THSD7A: variants seen among roughly 807,000 people sequenced by gnomAD.
The protein encoded by THSD7A is thrombospondin type-1 domain-containing protein 7A.
In THSD7A, 96 loss-of-function variants were observed where a neutral mutation model predicts 231.3. The observed-to-expected ratio is 0.41, with a 90% CI of 0.35 to 0.49. The LOEUF is 0.49. Ranked by LOEUF, THSD7A falls within the 20% of genes least tolerant of loss-of-function variation. The pLI, the probability that THSD7A is intolerant of heterozygous loss-of-function variation, is 0.05. For synonymous variants in THSD7A, 940 were observed against 743.3 expected (o/e 1.26, Z -4.30); for missense variants, 2,290 against 2,070.2 (o/e 1.11, Z -2.06).
intron 8 of THSD7A, among the ~76,000 whole-genome samples, chr7:11,473,732 CTGT>C (rs1786032025): frequency 1.3e-5 from 2 of 152,054 alleles, no homozygotes; most frequent in Non-Finnish European, 2.9e-5. Context: ...AGTGTTTGCC[CTGT>C]TATTATAGTA....
At chr7:11,562,746 A>G (rs568478616) in intron 4 of THSD7A, among the ~76,000 whole-genome samples, 1 of 152,282 alleles carries the variant, frequency 6.6e-6, no homozygotes, top group South Asian at 2.1e-4. Context: ...TTTTTTCAGT[A>G]AGTTAAAATA....
intron 1 of THSD7A, among the ~76,000 whole-genome samples, chr7:11,682,762 T>C (rs1191813102): frequency 6.6e-6 from 1 of 152,044 alleles, no homozygotes; most frequent in African/African-American, 2.4e-5. Flanking sequence ...CTTGATCTAA[T>C]AGACATCTAC....
chr7:11,469,565 G>A (rs537059490), intron 9 of THSD7A, among the ~76,000 whole-genome samples: 6 of 152,072 alleles, frequency 3.9e-5, no homozygotes, highest in Admixed American at 3.3e-4. Context: ...ATATCATTTT[G>A]AAATACATAT....
intron 9 of THSD7A, among the ~76,000 whole-genome samples, chr7:11,463,281 G>C (rs1785573538): frequency 6.6e-6 from 1 of 152,068 alleles, no homozygotes; most frequent in African/African-American, 2.4e-5. Flanking sequence ...ACACGGTCTG[G>C]GCAACTGACT....
At chr7:11,492,453 A>C (rs1161188339) in intron 6 of THSD7A, among the ~76,000 whole-genome samples, 2 of 152,082 alleles carry the variant, frequency 1.3e-5, no homozygotes, top group Non-Finnish European at 2.9e-5. Context: ...AATAGCTTAA[A>C]TATAACTATA....
intron 1 of THSD7A, among the ~76,000 whole-genome samples, chr7:11,770,960 T>A (rs1783206872): frequency 6.6e-6 from 1 of 151,626 alleles, no homozygotes; most frequent in Non-Finnish European, 1.5e-5. Flanking sequence ...AATAAATATA[T>A]AAAATTTTAA....
chr7:11,577,002 C>T (rs1790940403), intron 4 of THSD7A, among the ~76,000 whole-genome samples: 1 of 152,158 alleles, frequency 6.6e-6, no homozygotes. Context: ...AAAAACAAGG[C>T]ATTGAGTCCA....
intron 1 of THSD7A, among the ~76,000 whole-genome samples, chr7:11,679,102 T>G (rs1024468698): frequency 2.0e-5 from 3 of 152,128 alleles, no homozygotes; most frequent in Non-Finnish European, 2.9e-5. Flanking sequence ...AAAAACCACA[T>G]GATTATCTTA....
At chr7:11,807,152 G>A (rs763646393) in intron 1 of THSD7A, among the ~76,000 whole-genome samples, 2 of 152,080 alleles carry the variant, frequency 1.3e-5, no homozygotes, top group Admixed American at 6.6e-5. Flanking sequence ...AGGAAGTTGT[G>A]TAGAATCTGT....
At chr7:11,417,911 AAAG>A (rs1474363728) in intron 16 of THSD7A, among the ~76,000 whole-genome samples, 2 of 152,234 alleles carry the variant, frequency 1.3e-5, no homozygotes, top group African/African-American at 4.8e-5. Context: ...GCTTCCTCTG[AAAG>A]AAGAGGGTCA....
At chr7:11,475,987 G>A (rs6967452) in intron 7 of THSD7A, among the ~76,000 whole-genome samples, 18,875 of 139,976 alleles carry the variant, frequency 0.13, 1,423 homozygotes, top group Middle Eastern at 0.19. Context: ...TATCATGAGA[G>A]TTAACAAATT....
intron 6 of THSD7A, among the ~76,000 whole-genome samples, chr7:11,522,183 G>A (rs7782873): frequency 0.16 from 24,504 of 152,028 alleles, 2,326 homozygotes; most frequent in African/African-American, 0.26. Flanking sequence ...GAGGGCATTC[G>A]TAATAACATA....
At chr7:11,625,816 C>T (rs560502764) in intron 2 of THSD7A, among the ~76,000 whole-genome samples, 13 of 151,948 alleles carry the variant, frequency 8.6e-5, no homozygotes, top group Non-Finnish European at 1.2e-4. Flanking sequence ...TGAGTCAGAG[C>T]GAAACTCAAT....
At chr7:11,486,633 T>G (rs1027887371) in intron 6 of THSD7A, among the ~76,000 whole-genome samples, 3 of 152,214 alleles carry the variant, frequency 2.0e-5, no homozygotes, top group Admixed American at 6.5e-5. Flanking sequence ...TGAGGACAAT[T>G]TCTTAGCTAG....
Position 11,600,828 on chromosome 7 carries a change from T to C in THSD7A, c.1023-7326A>G, listed in dbSNP as rs1031209839. On this transcript the variant is annotated intron_variant, in intron 2 of 27. Coordinates refer to ENST00000423059, the MANE Select transcript of THSD7A (RefSeq NM_015204.3). The stretch of plus-strand genomic sequence containing the variant: ...AATCCTACTGGCATATGTATGAAAA[T>C]TGCATTTCCAGGAGACAATTACAGC... 3.9e-5 allele frequency among the ~76,000 whole-genome samples: 6 copies of C among 152,146 alleles called. No individual in the cohort carries two copies. The East Asian group carries it at 1.2e-3, about 29-fold the overall frequency.
chr7:11,804,818 G>C lies in THSD7A; in HGVS notation c.190+26939C>G, dbSNP rs538069417. ...GGTACTGTTCAGTCCTCACATCTGCGGCCTCTCGGTCCCCATGTGCAGGCC... is the reference window on the plus strand; with the variant it reads ...GGTACTGTTCAGTCCTCACATCTGCCGCCTCTCGGTCCCCATGTGCAGGCC... On this transcript the variant is annotated intron_variant, in intron 1 of 27. Coordinates refer to ENST00000423059, the MANE Select transcript of THSD7A (RefSeq NM_015204.3). Among the ~76,000 whole-genome samples the C allele has an allele frequency of 1.0e-3, 154 of 152,088 alleles. 1 individual carries two copies. The highest frequency in any genetic ancestry group is 3.4e-3 in the African/African-American group (143 of 41,466).
intron 6 of THSD7A, among the ~76,000 whole-genome samples, chr7:11,504,351 T>C (rs781407106): frequency 4.6e-5 from 7 of 152,094 alleles, no homozygotes; most frequent in Non-Finnish European, 7.4e-5. Context: ...AAAAGTTAAC[T>C]ATGGGGTACT....
chr7:11,514,749 G>T (rs1452113414), intron 6 of THSD7A, among the ~76,000 whole-genome samples: 1 of 152,118 alleles, frequency 6.6e-6, no homozygotes, highest in African/African-American at 2.4e-5. Flanking sequence ...AATACTACGT[G>T]TGCTTACTTT....
intron 2 of THSD7A, among the ~76,000 whole-genome samples, chr7:11,612,438 C>T (rs1354498815): frequency 3.9e-5 from 6 of 152,176 alleles, no homozygotes; most frequent in Admixed American, 3.9e-4. Context: ...TGTTTTGCCT[C>T]CTTTTTATAT....
Sources: gnomAD v4.1 joint callset for allele counts (sites outside exome capture counted in the v4.1 genomes callset) on GRCh38, gnomAD v4.1.1 for gene constraint, MANE v1.5 for transcripts, NCBI Gene and HGNC (gene_info 2026-07-23, HGNC 2026-07-21) for gene names.